TRHDE: variants seen among roughly 807,000 people sequenced by gnomAD.
The protein encoded by TRHDE is thyrotropin-releasing hormone-degrading ectoenzyme.
A neutral mutation model predicts 125.7 loss-of-function variants in TRHDE; 72 were observed. That is an observed-to-expected ratio of 0.57 (90% CI 0.47 to 0.70). The LOEUF (loss-of-function observed/expected upper bound fraction) is 0.70. Among genes scored for constraint, TRHDE ranks in the 30% least tolerant of loss-of-function variants. TRHDE has a pLI of 0.00. For synonymous variants in TRHDE, 509 were observed against 509.1 expected (o/e 1.00, Z 0.00); for missense variants, 1,110 against 1,327.1 (o/e 0.84, Z 2.54).
intron 2 of TRHDE, among the ~76,000 whole-genome samples, chr12:72,156,126 TTCCAGTTTGATC>T (rs1876500791): frequency 6.6e-6 from 1 of 152,154 alleles, no homozygotes; most frequent in Admixed American, 6.5e-5. Flanking sequence ...TGCTGCCACC[TTCCAGTTTGATC>T]TCAGACTGCT....
chr12:72,594,290 C>G (rs1222982555), intron 12 of TRHDE, among the ~76,000 whole-genome samples: 2 of 151,924 alleles, frequency 1.3e-5, no homozygotes, highest in South Asian at 4.2e-4. Context: ...TTTCATGTGT[C>G]TGTTGGTTGC....
At chr12:72,318,988 G>A (rs1592541284) in intron 2 of TRHDE, among the ~76,000 whole-genome samples, 1 of 152,172 alleles carries the variant, frequency 6.6e-6, no homozygotes, top group African/African-American at 2.4e-5. Flanking sequence ...AAGTAGGCGT[G>A]GAGAGAGGGC....
intron 6 of TRHDE, among the ~76,000 whole-genome samples, chr12:72,514,292 T>C (rs1878733407): frequency 6.6e-6 from 1 of 152,172 alleles, no homozygotes; most frequent in Non-Finnish European, 1.5e-5. Context: ...AGAAGAATCA[T>C]TTGTGCATAT....
At chr12:72,167,625 G>T (rs1334332304) in intron 2 of TRHDE, 3 of 152,178 alleles carry the variant, frequency 2.0e-5, no homozygotes, top group African/African-American at 7.2e-5. Flanking sequence ...ATGATGGAAT[G>T]GCCTACTGAA....
intron 3 of TRHDE, among the ~76,000 whole-genome samples, chr12:72,430,306 T>TATGTATATATGTATATATACATATATAC (rs1874392520): frequency 6.9e-6 from 1 of 144,700 alleles, no homozygotes; most frequent in African/African-American, 2.6e-5. Context: ...TATGTATATA[T>TATGTATATATGTATATATACATATATAC]ATGTATATAT....
intron 12 of TRHDE, among the ~76,000 whole-genome samples, chr12:72,576,926 G>C (rs1376190734): frequency 6.6e-6 from 1 of 152,044 alleles, no homozygotes; most frequent in Non-Finnish European, 1.5e-5. Context: ...ATAAACGAAG[G>C]CTTTTCCATG....
chr12:72,347,700 T>C (rs1870391155), intron 2 of TRHDE, among the ~76,000 whole-genome samples: 1 of 152,028 alleles, frequency 6.6e-6, no homozygotes, highest in Non-Finnish European at 1.5e-5. Context: ...TCCTTTGCCA[T>C]GTGATCCTCT....
chr12:72,442,179 T>C (rs942668328), intron 3 of TRHDE, among the ~76,000 whole-genome samples: 19 of 151,888 alleles, frequency 1.3e-4, no homozygotes, highest in Non-Finnish European at 2.1e-4. Flanking sequence ...ATTATTCACA[T>C]TGACTTTTAA....
intron 3 of TRHDE, among the ~76,000 whole-genome samples, chr12:72,405,879 A>G (rs1873243605): frequency 1.3e-5 from 2 of 152,218 alleles, no homozygotes; most frequent in South Asian, 2.1e-4. Flanking sequence ...TCTTCAATTC[A>G]TATCACTATT....
chr12:72,277,197 G>A (rs530720695), intron 1 of TRHDE, among the ~76,000 whole-genome samples: 1 of 152,236 alleles, frequency 6.6e-6, no homozygotes, highest in South Asian at 2.1e-4. Context: ...CAAGTAAAAT[G>A]GGAAAATAAT....
chr12:72,639,663 T>C (rs1396115290), intron 15 of TRHDE, among the ~76,000 whole-genome samples: 1 of 151,650 alleles, frequency 6.6e-6, no homozygotes, highest in Non-Finnish European at 1.5e-5. Flanking sequence ...ATGATGGTGA[T>C]GTACAGATGG....
intron 2 of TRHDE, among the ~76,000 whole-genome samples, chr12:72,244,191 A>G (rs1171371633): frequency 6.6e-6 from 1 of 152,062 alleles, no homozygotes; most frequent in African/African-American, 2.4e-5. Context: ...CTGACCCCCT[A>G]CCTAGTGACT....
At chr12:72,182,219 C>T (rs1397772713) in intron 2 of TRHDE, among the ~76,000 whole-genome samples, 2 of 152,122 alleles carry the variant, frequency 1.3e-5, no homozygotes, top group Non-Finnish European at 2.9e-5. Context: ...GACCTAGGCT[C>T]GAGTAACCTT....
chr12:72,187,440 T>TG (rs372179489), intron 2 of TRHDE, among the ~76,000 whole-genome samples: 4,657 of 99,338 alleles, frequency 0.047, 159 homozygotes, highest in South Asian at 0.11. Context: ...AGGCCCGAGG[T>TG]GGGGGGGGTG....
chr12:72,649,872 A>C (rs950904480), intron 15 of TRHDE, among the ~76,000 whole-genome samples: 1 of 152,098 alleles, frequency 6.6e-6, no homozygotes, highest in Non-Finnish European at 1.5e-5. Context: ...AAAAAAAACA[A>C]AACACAGCAA....
chr12:72,582,520 G>A (rs1244641219), intron 12 of TRHDE: 1 of 985,152 alleles, frequency 1.0e-6, no homozygotes. Flanking sequence ...GGTTTCTCTT[G>A]CAAAACATAT....
At chr12:72,213,625 A>G (rs1047700514) in intron 2 of TRHDE, among the ~76,000 whole-genome samples, 1 of 152,172 alleles carries the variant, frequency 6.6e-6, no homozygotes, top group African/African-American at 2.4e-5. Flanking sequence ...TTACACCTGC[A>G]AAGATCAAAC....
intron 6 of TRHDE, among the ~76,000 whole-genome samples, chr12:72,507,021 C>A (rs1020893514): frequency 5.9e-5 from 9 of 152,226 alleles, no homozygotes; most frequent in African/African-American, 1.9e-4. Context: ...CCACCTCACC[C>A]TACTCTCTTC....
chr12:72,161,117 A>G (rs531790500), intron 2 of TRHDE, among the ~76,000 whole-genome samples: 33 of 152,248 alleles, frequency 2.2e-4, no homozygotes, highest in African/African-American at 7.5e-4. Context: ...CACTAATAGT[A>G]TGTGTTATTA....
Sources: gnomAD v4.1 joint callset for allele counts (sites outside exome capture counted in the v4.1 genomes callset) on GRCh38, gnomAD v4.1.1 for gene constraint, MANE v1.5 for transcripts, NCBI Gene and HGNC (gene_info 2026-07-23, HGNC 2026-07-21) for gene names.